The following ITGA9 variants were observed in gnomAD, a reference collection of about 807,000 sequenced individuals.
The protein encoded by ITGA9 is integrin subunit alpha 9.
In ITGA9, 56 loss-of-function variants were observed where a neutral mutation model predicts 127.8. The observed-to-expected ratio is 0.44, with a 90% CI of 0.35 to 0.55. The LOEUF (loss-of-function observed/expected upper bound fraction) is 0.55, where lower values mean the gene tolerates loss of function less well. ITGA9 is among the 20% of genes least tolerant of loss of function. The pLI is 0.00. For missense variants in ITGA9, 1,196 were observed against 1,347.1 expected, an observed-to-expected ratio of 0.89 and a Z score of 1.76; for synonymous variants, 508 against 514.5, an observed-to-expected ratio of 0.99 and a Z score of 0.17.
At chr3:37,657,477 T>C (rs1700489699) in intron 17 of ITGA9, among the ~76,000 whole-genome samples, 1 of 152,336 alleles carries the variant, frequency 6.6e-6, no homozygotes, top group East Asian at 1.9e-4. Flanking sequence ...TTTATTTGCA[T>C]AGAAGTGTTT....
At chr3:37,664,699 G>C (rs1700568953) in intron 17 of ITGA9, among the ~76,000 whole-genome samples, 2 of 151,672 alleles carry the variant, frequency 1.3e-5, no homozygotes, top group Non-Finnish European at 2.9e-5. Context: ...ACCGCGCCTG[G>C]CCGAGTCAGC....
In ITGA9 at chr3:37,764,797, C is replaced by T. The variant is rs924969412; in HGVS notation, c.2542-12595C>T. Among the ~76,000 whole-genome samples the T allele has an allele frequency of 3.9e-5, 6 of 152,218 alleles. No homozygotes were observed. The South Asian group carries it at 8.3e-4, about 21-fold the overall frequency. ...CCCTGCCTCAGGGCCTTTGCACCTG[C>T]CTTTGCTGAGAACACTGTTCCCTCC... On this transcript the variant is annotated intron_variant, in intron 23 of 27. Transcript: ENST00000264741.
chr3:37,593,644 G>A (rs1194521983), intron 15 of ITGA9, among the ~76,000 whole-genome samples: 2 of 152,214 alleles, frequency 1.3e-5, no homozygotes, highest in African/African-American at 4.8e-5. Flanking sequence ...ATTATATCCT[G>A]AAAGGCCCAT....
rs1382773149 is a variant in ITGA9, at chr3:37,743,995, C to T, written c.2394C>T (p.Asp798=). The T allele has an allele frequency of 6.2e-7, 1 of 1,613,958 alleles. No individual in the cohort carries two copies. The highest frequency in any genetic ancestry group is 8.5e-7 in the Non-Finnish European group (1 of 1,179,820). Reference sequence around the variant, plus strand: ...CAGCCAACTTCATTCAGCTGGATGACCTGGAGTGTCACTTTCAGCCCATCA... The same window carrying T: ...CAGCCAACTTCATTCAGCTGGATGATCTGGAGTGTCACTTTCAGCCCATCA... ...VDAANFIQLD[D]LECHFQPINI... Residue 798 remains aspartate (D), a synonymous_variant, in exon 22 of 28, where the codon GAC becomes GAT. Transcript: ENST00000264741.
At chr3:37,647,722 A>G (rs1261964204) in intron 16 of ITGA9, among the ~76,000 whole-genome samples, 3 of 152,092 alleles carry the variant, frequency 2.0e-5, no homozygotes, top group Admixed American at 2.0e-4. Flanking sequence ...GTGAGATCAT[A>G]CAATATTTTT....
intron 20 of ITGA9, among the ~76,000 whole-genome samples, chr3:37,738,187 C>T (rs532035162): frequency 6.6e-6 from 1 of 152,362 alleles, no homozygotes; most frequent in Non-Finnish European, 1.5e-5. Flanking sequence ...TAAAACATGA[C>T]TGTGATCTAA....
At chr3:37,569,842 C>T (rs996407006) in intron 15 of ITGA9, among the ~76,000 whole-genome samples, 1 of 152,118 alleles carries the variant, frequency 6.6e-6, no homozygotes, top group Non-Finnish European at 1.5e-5. Flanking sequence ...TGAAGTTTAG[C>T]CCTTAGTCCC....
chr3:37,512,113 CTTCCTTCTTTCTTTTCTT>C lies in ITGA9; in HGVS notation c.898-1646_898-1629del, dbSNP rs1559524768. 1.6e-4 allele frequency among the ~76,000 whole-genome samples: 12 copies of C among 75,560 alleles called. 1 individual carries two copies. The highest frequency in any genetic ancestry group is 4.7e-4 in the African/African-American group (8 of 17,010). The allele number at this position is 75,560 out of a possible 152,430, so 49.6% of individuals were successfully genotyped here. A position where few individuals can be genotyped will look rare whatever the true frequency, so the allele number is the denominator to read the frequency against. On this transcript the variant is annotated intron_variant, in intron 8 of 27. Coordinates refer to ENST00000264741, the MANE Select transcript of ITGA9 (RefSeq NM_002207.3). Reference sequence around the variant, plus strand: ...CCTTCCTTCCTTCCTTCCTTCCTTCCTTCCTTCTTTCTTTTCTTTTCTTTTCTTTTCTTTTCTTTTCTT... The same window carrying C: ...CCTTCCTTCCTTCCTTCCTTCCTTCCTTCTTTTCTTTTCTTTTCTTTTCTT...
intron 15 of ITGA9, among the ~76,000 whole-genome samples, chr3:37,591,648 C>T (rs935288608): frequency 1.3e-5 from 2 of 152,226 alleles, no homozygotes; most frequent in African/African-American, 4.8e-5. Flanking sequence ...AAGCCTAGGC[C>T]TTTCCTATCA....
chr3:37,710,785 C>T (rs1701071022), intron 18 of ITGA9, among the ~76,000 whole-genome samples: 1 of 152,180 alleles, frequency 6.6e-6, no homozygotes, highest in Non-Finnish European at 1.5e-5. Flanking sequence ...TTGGTGTCTC[C>T]GCAGCTTCCT....
At chr3:37,678,923 A>G (rs1197244541) in intron 17 of ITGA9, among the ~76,000 whole-genome samples, 2 of 152,218 alleles carry the variant, frequency 1.3e-5, no homozygotes, top group African/African-American at 2.4e-5. Context: ...GTCATCAGTA[A>G]CATCTTCCAT....
intron 23 of ITGA9, among the ~76,000 whole-genome samples, chr3:37,766,242 A>C (rs1341885147): frequency 6.6e-6 from 1 of 152,246 alleles, no homozygotes; most frequent in African/African-American, 2.4e-5. Context: ...AAGTTTCTTC[A>C]GACCAAAAAG....
chr3:37,545,368 CT>C (rs1018314300), intron 15 of ITGA9, among the ~76,000 whole-genome samples: 1 of 151,732 alleles, frequency 6.6e-6, no homozygotes, highest in South Asian at 2.1e-4. Flanking sequence ...CTATTCCAAT[CT>C]TTTTTTTTCT....
At position 37,481,570 on chromosome 3, in the gene ITGA9, C is replaced by T. The variant is rs767378648; in HGVS notation, c.507C>T (p.Leu169=). The T allele has an allele frequency of 6.2e-7, 1 of 1,614,202 alleles. No individual in the cohort carries two copies. Among genetic ancestry groups the T allele is most frequent in the Non-Finnish European group, 8.5e-7 (1 of 1,180,022 alleles). The part of the protein sequence containing the change: ...HGFCYIIPSN[L]QAKGRTLIPC... ...TCTGCTACATCATCCCCTCCAACCT[C>T]CAGGCCAAAGGCAGGACGCTGATCC... The change falls in exon 4 of 28, where the codon CTC becomes CTT. Residue 169 remains leucine (L), a synonymous_variant. Transcript: ENST00000264741.
chr3:37,490,938 C>T (rs1195402931), intron 4 of ITGA9, among the ~76,000 whole-genome samples: 1 of 150,546 alleles, frequency 6.6e-6, no homozygotes, highest in Non-Finnish European at 1.5e-5. Flanking sequence ...CCTTGTTCAA[C>T]CCTATCTTTT....
intron 26 of ITGA9, among the ~76,000 whole-genome samples, chr3:37,802,477 T>C (rs1437783525): frequency 6.6e-6 from 1 of 152,148 alleles, no homozygotes; most frequent in African/African-American, 2.4e-5. Context: ...ATGGCAAAGC[T>C]TGGAGAAAGA....
At chr3:37,583,018 G>A (rs1699724578) in intron 15 of ITGA9, among the ~76,000 whole-genome samples, 2 of 152,150 alleles carry the variant, frequency 1.3e-5, no homozygotes, top group Non-Finnish European at 2.9e-5. Context: ...TTAGTTTGTA[G>A]GCCAGAGGTT....
chr3:37,576,127 A>C (rs1197621750), intron 15 of ITGA9, among the ~76,000 whole-genome samples: 1 of 152,170 alleles, frequency 6.6e-6, no homozygotes, highest in Non-Finnish European at 1.5e-5. Context: ...CCAGAGACAC[A>C]GGGGTAAACA....
intron 15 of ITGA9, among the ~76,000 whole-genome samples, chr3:37,621,156 C>CCTTTCA (rs1700124615): frequency 6.6e-6 from 1 of 151,770 alleles, no homozygotes; most frequent in South Asian, 2.1e-4. Context: ...AGGGGAAACT[C>CCTTTCA]CTTTCACTTG....
Sources: allele counts gnomAD v4.1 joint callset (sites outside exome capture counted in the v4.1 genomes callset), GRCh38; gene constraint gnomAD v4.1.1; transcripts MANE v1.5; gene names NCBI Gene and HGNC (gene_info 2026-07-23, HGNC 2026-07-21).